Variants in GPR89B observed in about 807,000 individuals in gnomAD.
GPR89B encodes the protein golgi pH regulator B.
Under a neutral mutation model 52.4 loss-of-function variants are expected in GPR89B, and 25 were observed. The ratio of observed to expected loss-of-function variants is 0.48; its 90% CI spans 0.35 to 0.67. The LOEUF is 0.67. GPR89B is among the 30% of genes least tolerant of loss of function. The pLI is 0.01. For synonymous variants in GPR89B, 52 were observed against 151.2 expected, an observed-to-expected ratio of 0.34 and a Z score of 4.81; for missense variants, 146 against 450.2, an observed-to-expected ratio of 0.32 and a Z score of 6.11.
chr1:147,959,851 A>G (rs1432340677), intron 7 of GPR89B, among the ~76,000 whole-genome samples: 2 of 151,620 alleles, frequency 1.3e-5, no homozygotes, highest in African/African-American at 4.9e-5. Context: ...TTTCTGAGCT[A>G]TGTGCAGGTT....
At chr1:147,945,739 T>A (rs1428171098) in intron 5 of GPR89B, among the ~76,000 whole-genome samples, 1 of 151,084 alleles carries the variant, frequency 6.6e-6, no homozygotes, top group African/African-American at 2.4e-5. Flanking sequence ...TTTTTTTTTT[T>A]CTTTTTGAGA....
the GPR89B span, among the ~76,000 whole-genome samples, chr1:148,019,743 A>G: frequency 6.6e-6 from 1 of 152,094 alleles, no homozygotes; most frequent in Admixed American, 6.5e-5. Context: ...TATGTTAACT[A>G]GAGGAGTAAT....
the GPR89B span, among the ~76,000 whole-genome samples, chr1:148,004,844 C>G: frequency 2.4e-5 from 2 of 85,070 alleles, no homozygotes; most frequent in Non-Finnish European, 2.4e-5. Context: ...CTCAGGAGTT[C>G]AAGACCAGCC....
chr1:147,992,371 A>C (rs1479618265), intron 12 of GPR89B, 131 bp from the exon 13 acceptor site: 12 of 723,606 alleles, frequency 1.7e-5, no homozygotes, highest in Admixed American at 1.3e-4. Context: ...AGTCTTAATC[A>C]TATGAATTGT....
intron 10 of GPR89B, among the ~76,000 whole-genome samples, chr1:147,983,397 G>A (rs1658415162): frequency 2.0e-5 from 3 of 151,956 alleles, no homozygotes; most frequent in African/African-American, 7.3e-5. Context: ...GCAACCTACA[G>A]AATGGGAGAA....
chr1:147,928,839 C>T (rs1653262915), intron 1 of GPR89B: 1 of 178,264 alleles, frequency 5.6e-6, no homozygotes, highest in Admixed American at 6.5e-5. Context: ...GGAAGCGGTC[C>T]GCCGACCTCC....
intron 10 of GPR89B, among the ~76,000 whole-genome samples, chr1:147,977,981 C>A (rs1657964778): frequency 6.6e-6 from 1 of 151,820 alleles, no homozygotes; most frequent in African/African-American, 2.4e-5. Context: ...CTAAAGCCTA[C>A]TTCTGTCAGT....
At position 147,928,465 on chromosome 1, in the gene GPR89B, G is replaced by A. The variant is rs1265452696; in HGVS notation, c.-72G>A. On this transcript the variant is annotated 5_prime_UTR_variant, in exon 1 of 14. Transcript: ENST00000314163. ...TGGGAGAAGGCAGACCGTGTGAGGGGGCCTGTGGCCCCAGCGTGCTGTGGC... is the reference window on the plus strand; with the variant it reads ...TGGGAGAAGGCAGACCGTGTGAGGGAGCCTGTGGCCCCAGCGTGCTGTGGC... The A allele has an allele frequency of 3.2e-6, 5 of 1,582,720 alleles. No individual in the cohort carries two copies. Among genetic ancestry groups the A allele is most frequent in the Admixed American group, 1.7e-5 (1 of 59,728 alleles).
At chr1:148,019,773 A>G in the GPR89B span, among the ~76,000 whole-genome samples, 2 of 152,042 alleles carry the variant, frequency 1.3e-5, no homozygotes, top group African/African-American at 4.8e-5. Context: ...TCTACCTAGA[A>G]TCAAATGGAA....
At chr1:147,972,626 G>T (rs1657553920) in intron 10 of GPR89B, among the ~76,000 whole-genome samples, 1 of 151,302 alleles carries the variant, frequency 6.6e-6, no homozygotes, top group Admixed American at 6.6e-5. Flanking sequence ...ATTTTTTTTG[G>T]ATGAATTATC....
intron 1 of GPR89B, among the ~76,000 whole-genome samples, chr1:147,931,161 T>C (rs1653565925): frequency 6.6e-6 from 1 of 152,176 alleles, no homozygotes; most frequent in African/African-American, 2.4e-5. Context: ...TAAATATTTG[T>C]TAAATGATTA....
chr1:148,006,556 G>A, the GPR89B span, among the ~76,000 whole-genome samples: 1 of 152,138 alleles, frequency 6.6e-6, no homozygotes, highest in South Asian at 2.1e-4. Flanking sequence ...AACCCTATAT[G>A]TTTTTTCCTG....
At chr1:148,002,415 C>G in the GPR89B span, among the ~76,000 whole-genome samples, 2 of 152,188 alleles carry the variant, frequency 1.3e-5, no homozygotes, top group Admixed American at 1.3e-4. Flanking sequence ...CTTCCCCAGT[C>G]CTTCTGTCTG....
intron 10 of GPR89B, among the ~76,000 whole-genome samples, chr1:147,982,803 G>A (rs1172278349): frequency 6.6e-6 from 1 of 151,138 alleles, no homozygotes; most frequent in African/African-American, 2.4e-5. Flanking sequence ...CCATTTGTTT[G>A]TATCCTCTTT....
downstream of GPR89B, among the ~76,000 whole-genome samples, chr1:147,997,691 C>T (rs1659349100): frequency 6.6e-6 from 1 of 151,730 alleles, no homozygotes; most frequent in Non-Finnish European, 1.5e-5. Flanking sequence ...GTATCTATAT[C>T]CTACTAGATC....
chr1:147,977,000 C>T (rs1287851235), intron 10 of GPR89B, among the ~76,000 whole-genome samples: 3 of 151,474 alleles, frequency 2.0e-5, no homozygotes, highest in African/African-American at 2.4e-5. Context: ...TTTGGGAGGC[C>T]GAGGCGGGCA....
intron 3 of GPR89B, among the ~76,000 whole-genome samples, chr1:147,939,458 A>G (rs1209737904): frequency 1.3e-5 from 2 of 152,188 alleles, no homozygotes; most frequent in Admixed American, 6.5e-5. Flanking sequence ...TTCATCAACT[A>G]TGCTATGCAG....
At chr1:147,937,558 G>A (rs1396912329) in intron 2 of GPR89B, among the ~76,000 whole-genome samples, 5 of 152,102 alleles carry the variant, frequency 3.3e-5, no homozygotes, top group African/African-American at 4.8e-5. Context: ...TCCCAGAGCG[G>A]CCATTCATAG....
Position 147,993,053 on chromosome 1 carries a change from A to G in GPR89B, c.*136A>G, listed in dbSNP as rs1659177733. On this transcript the variant is annotated 3_prime_UTR_variant, in exon 14 of 14. Coordinates refer to ENST00000314163, the MANE Select transcript of GPR89B (RefSeq NM_016334.5). Reference sequence around the variant, plus strand: ...GTAGCATTTTTCACCTTCATAGCATACTCCTTCCCCCTCAGGTGATACTAT... The same window carrying G: ...GTAGCATTTTTCACCTTCATAGCATGCTCCTTCCCCCTCAGGTGATACTAT... 1.6e-5 allele frequency: 26 copies of G among 1,583,916 alleles called. No individual in the cohort carries two copies. The South Asian group carries it at 2.8e-4, about 17-fold the overall frequency.
Sources: allele counts gnomAD v4.1 joint callset (sites outside exome capture counted in the v4.1 genomes callset), GRCh38; gene constraint gnomAD v4.1.1; transcripts MANE v1.5; gene names NCBI Gene and HGNC (gene_info 2026-07-23, HGNC 2026-07-21).